Variants in NOX4 observed in about 807,000 individuals in gnomAD.
NOX4 encodes the protein kidney oxidase-1.
In NOX4, 69 loss-of-function variants were observed where a neutral mutation model predicts 87.6. The ratio of observed to expected loss-of-function variants is 0.79; its 90% CI spans 0.65 to 0.96. NOX4 has a LOEUF of 0.96. NOX4 is among the 40% of genes least tolerant of loss of function. NOX4 has a pLI of 0.00. For synonymous variants in NOX4, 275 were observed against 238.2 expected (o/e 1.15, Z -1.42); for missense variants, 680 against 681.5 (o/e 1.00, Z 0.02).
At chr11:89,517,450 T>C in the NOX4 span, among the ~76,000 whole-genome samples, 1 of 151,982 alleles carries the variant, frequency 6.6e-6, no homozygotes, top group Admixed American at 6.6e-5. Flanking sequence ...TGTTAATGCT[T>C]ATTTCCTTTA....
chr11:89,496,625 T>A (rs1009373039), upstream of NOX4, among the ~76,000 whole-genome samples: 1 of 151,076 alleles, frequency 6.6e-6, no homozygotes, highest in Non-Finnish European at 1.5e-5. Context: ...CACAGACTAG[T>A]CAAATTTTGC....
the NOX4 span, among the ~76,000 whole-genome samples, chr11:89,588,917 G>A: frequency 2.0e-5 from 3 of 152,058 alleles, no homozygotes; most frequent in Non-Finnish European, 4.4e-5. Flanking sequence ...GAGGGGTCCC[G>A]TATATCGGTA....
the NOX4 span, among the ~76,000 whole-genome samples, chr11:89,530,766 T>C: frequency 6.6e-6 from 1 of 152,144 alleles, no homozygotes; most frequent in Non-Finnish European, 1.5e-5. Flanking sequence ...AGGTTCCTGA[T>C]ACAAGCTGAG....
At chr11:89,403,656 T>A (rs562675560) in intron 8 of NOX4, among the ~76,000 whole-genome samples, 1 of 152,142 alleles carries the variant, frequency 6.6e-6, no homozygotes, top group East Asian at 1.9e-4. Flanking sequence ...GCAGGAGAAT[T>A]GCTTGAACCC....
At chr11:89,514,252 C>A in the NOX4 span, among the ~76,000 whole-genome samples, 1 of 151,536 alleles carries the variant, frequency 6.6e-6, no homozygotes, top group Non-Finnish European at 1.5e-5. Context: ...GTAGTTTTTT[C>A]TTTTGAATGC....
chr11:89,490,232 C>T (rs549222377), intron 2 of NOX4, among the ~76,000 whole-genome samples: 1 of 152,296 alleles, frequency 6.6e-6, no homozygotes, highest in East Asian at 1.9e-4. Context: ...CAGGTTCATT[C>T]GTTTCACTTC....
At chr11:89,506,503 A>C in the NOX4 span, among the ~76,000 whole-genome samples, 3 of 151,772 alleles carry the variant, frequency 2.0e-5, no homozygotes, top group Non-Finnish European at 4.4e-5. Flanking sequence ...TATAGGAGAA[A>C]ATTTTTGTAA....
intron 7 of NOX4, among the ~76,000 whole-genome samples, chr11:89,423,958 T>C (rs1026196734): frequency 2.6e-5 from 4 of 151,954 alleles, no homozygotes; most frequent in Admixed American, 2.0e-4. Context: ...TCCTAGCTAC[T>C]AGGGAGGCTG....
At chr11:89,585,086 CATCACCTGAG>C in the NOX4 span, among the ~76,000 whole-genome samples, 2 of 152,114 alleles carry the variant, frequency 1.3e-5, no homozygotes, top group African/African-American at 2.4e-5. Context: ...AGGTATCTGG[CATCACCTGAG>C]GCATTAGCTT....
intron 8 of NOX4, among the ~76,000 whole-genome samples, chr11:89,420,609 G>A (rs1943030140): frequency 6.6e-6 from 1 of 151,830 alleles, no homozygotes; most frequent in Non-Finnish European, 1.5e-5. Context: ...AAATCAGGTG[G>A]AAAAAAGCCA....
At chr11:89,475,959 T>C (rs1248114311) in intron 2 of NOX4, among the ~76,000 whole-genome samples, 2 of 152,104 alleles carry the variant, frequency 1.3e-5, no homozygotes, top group Non-Finnish European at 2.9e-5. Flanking sequence ...GCAAACAATT[T>C]TGGAAAAAGT....
intron 7 of NOX4, among the ~76,000 whole-genome samples, chr11:89,428,019 T>C (rs1943544128): frequency 1.3e-5 from 2 of 152,230 alleles, no homozygotes; most frequent in Admixed American, 1.3e-4. Flanking sequence ...ACAGCTGATC[T>C]CTCAGCAGAA....
chr11:89,459,406 T>C (rs1945350031), intron 2 of NOX4, among the ~76,000 whole-genome samples: 1 of 152,092 alleles, frequency 6.6e-6, no homozygotes, highest in African/African-American at 2.4e-5. Context: ...ACACAATTTA[T>C]CCCTATAGTA....
At chr11:89,473,605 T>C (rs1016984295) in intron 2 of NOX4, among the ~76,000 whole-genome samples, 3 of 152,252 alleles carry the variant, frequency 2.0e-5, no homozygotes, top group Admixed American at 1.3e-4. Flanking sequence ...TTTTCTCATG[T>C]CTCCTAAGCA....
intron 12 of NOX4, among the ~76,000 whole-genome samples, chr11:89,371,377 G>A (rs1482701094): frequency 6.6e-6 from 1 of 151,802 alleles, no homozygotes; most frequent in Non-Finnish European, 1.5e-5. Flanking sequence ...ACATTAAAAA[G>A]GGAGAATAAA....
chr11:89,452,081 G>C (rs919118787), intron 2 of NOX4, among the ~76,000 whole-genome samples, 186 bp from the exon 3 acceptor site: 1 of 152,074 alleles, frequency 6.6e-6, no homozygotes, highest in Admixed American at 6.6e-5. Flanking sequence ...ACTTCTTTCT[G>C]TTCTGCACTG....
At chr11:89,586,465 C>A in the NOX4 span, among the ~76,000 whole-genome samples, 1 of 152,132 alleles carries the variant, frequency 6.6e-6, no homozygotes, top group Admixed American at 6.6e-5. Flanking sequence ...TCAGAGTGAG[C>A]TTTGAGTATA....
chr11:89,572,194 T>A, the NOX4 span, among the ~76,000 whole-genome samples: 1 of 152,242 alleles, frequency 6.6e-6, no homozygotes, highest in African/African-American at 2.4e-5. Context: ...TCAGGGGCCA[T>A]GTCCTTAACC....
the NOX4 span, among the ~76,000 whole-genome samples, chr11:89,520,327 C>A: frequency 1.3e-5 from 2 of 151,946 alleles, no homozygotes; most frequent in African/African-American, 4.8e-5. Flanking sequence ...TTCCAGATTC[C>A]ATAATGTTTC....
Sources: gnomAD v4.1 joint callset for allele counts (sites outside exome capture counted in the v4.1 genomes callset) on GRCh38, gnomAD v4.1.1 for gene constraint, MANE v1.5 for transcripts, NCBI Gene and HGNC (gene_info 2026-07-23, HGNC 2026-07-21) for gene names.